The following DACH1 variants were observed in gnomAD, a reference collection of about 807,000 sequenced individuals.
DACH1 encodes dachshund homolog 1.
In DACH1, 12 loss-of-function variants were observed where a neutral mutation model predicts 54.2. That is an observed-to-expected ratio of 0.22 (90% CI 0.14 to 0.36). The LOEUF (loss-of-function observed/expected upper bound fraction) is 0.36. Ranked by LOEUF, DACH1 falls within the 10% of genes least tolerant of loss-of-function variation. The pLI is 1.00. For synonymous variants in DACH1, 386 were observed against 366.2 expected, an observed-to-expected ratio of 1.05 and a Z score of -0.62; for missense variants, 805 against 929.8, an observed-to-expected ratio of 0.87 and a Z score of 1.75.
rs1212811201 is a variant in DACH1, at chr13:71,866,328, T to C, written c.442A>G (p.Ser148Gly). 2 of 1,534,682 alleles carry C rather than the reference T, an allele frequency of 1.3e-6. No individual in the cohort carries two copies. The highest frequency in any genetic ancestry group is 1.8e-6 in the Non-Finnish European group (2 of 1,138,020). Residue 148 changes from serine (S) to glycine (G), a missense_variant, in exon 1 of 11, where the codon AGC becomes GGC. Around this residue, in one of 3 missense-constraint regions of DACH1, gnomAD observed 305 missense variants for 308.7 expected, o/e 0.99. Transcript: ENST00000613252. ...CTGCTACTACTGCTGCTGCTGCTGC[T>C]GCTGCTACTGCTGCTGCTGCTGCTG... ...TGSSSSSSSS[S>G]SSSSSSSSSS... is the part of the protein sequence containing the mutation.
intron 1 of DACH1, among the ~76,000 whole-genome samples, chr13:71,774,594 T>C (rs1171675846): frequency 6.6e-6 from 1 of 152,124 alleles, no homozygotes; most frequent in Non-Finnish European, 1.5e-5. Context: ...AAGTCATTAT[T>C]TATAATCCAT....
At chr13:71,560,801 T>C (rs961911222) in intron 4 of DACH1, among the ~76,000 whole-genome samples, 4 of 152,178 alleles carry the variant, frequency 2.6e-5, no homozygotes, top group Non-Finnish European at 2.9e-5. Flanking sequence ...TTGGTGAACA[T>C]TTTCTACTTT....
chr13:71,464,173 T>C (rs1039152716), intron 10 of DACH1, among the ~76,000 whole-genome samples: 15 of 151,850 alleles, frequency 9.9e-5, no homozygotes, highest in African/African-American at 2.7e-4. Flanking sequence ...ATGAGAAAAA[T>C]ACCCATACCC....
intron 3 of DACH1, among the ~76,000 whole-genome samples, chr13:71,583,712 A>C (rs1873014587): frequency 6.6e-6 from 1 of 151,976 alleles, no homozygotes; most frequent in East Asian, 1.9e-4. Flanking sequence ...ATGGTGGTAT[A>C]CATCTGTAGT....
chr13:71,479,368 C>T (rs762699346), intron 7 of DACH1, 52 bp from the exon 8 acceptor site: 18 of 1,558,012 alleles, frequency 1.2e-5, no homozygotes, highest in African/African-American at 5.5e-5. Flanking sequence ...AAGCAAATTT[C>T]GTTCATTACT....
chr13:71,485,133 C>T (rs1036937425), intron 7 of DACH1, among the ~76,000 whole-genome samples: 2 of 151,314 alleles, frequency 1.3e-5, no homozygotes, highest in Admixed American at 6.6e-5. Flanking sequence ...TCATGTTTGA[C>T]GGTGTCATAT....
intron 10 of DACH1, among the ~76,000 whole-genome samples, chr13:71,456,563 C>T (rs1227427489): frequency 1.3e-5 from 2 of 151,984 alleles, no homozygotes; most frequent in African/African-American, 4.8e-5. Flanking sequence ...TCTTTATTTT[C>T]CCACCATAGG....
intron 1 of DACH1, among the ~76,000 whole-genome samples, chr13:71,830,154 C>G (rs940028631): frequency 1.3e-5 from 2 of 151,662 alleles, no homozygotes; most frequent in African/African-American, 4.8e-5. Flanking sequence ...GTTAAGAATA[C>G]GAAACACACC....
At chr13:71,703,121 T>TACTATATGCAAAAGATACTTAG (rs1426985304) in intron 1 of DACH1, among the ~76,000 whole-genome samples, 1 of 152,156 alleles carries the variant, frequency 6.6e-6, no homozygotes, top group Non-Finnish European at 1.5e-5. Flanking sequence ...CTTAGCAGAG[T>TACTATATGCAAAAGATACTTAG]CAAAAGATAA....
At chr13:71,647,126 T>C (rs1244323449) in intron 2 of DACH1, among the ~76,000 whole-genome samples, 1 of 152,230 alleles carries the variant, frequency 6.6e-6, no homozygotes, top group Non-Finnish European at 1.5e-5. Context: ...CAAATCACTT[T>C]ATAACTGTTA....
chr13:71,646,180 T>C (rs560463519), intron 2 of DACH1, among the ~76,000 whole-genome samples: 7 of 151,556 alleles, frequency 4.6e-5, no homozygotes, highest in Non-Finnish European at 1.0e-4. Context: ...CTAGTAAAAA[T>C]ACAAAAATTA....
chr13:71,843,890 T>G (rs1046059215), intron 1 of DACH1, among the ~76,000 whole-genome samples: 6 of 152,178 alleles, frequency 3.9e-5, no homozygotes, highest in African/African-American at 1.4e-4. Context: ...CTAGGAACAT[T>G]TATTCCTTAT....
intron 1 of DACH1, among the ~76,000 whole-genome samples, chr13:71,857,233 A>G (rs927811578): frequency 2.6e-5 from 4 of 151,820 alleles, no homozygotes; most frequent in Non-Finnish European, 5.9e-5. Context: ...TGTCCTAATA[A>G]CCATATAGCC....
chr13:71,765,118 G>C (rs558172492), intron 1 of DACH1, among the ~76,000 whole-genome samples: 1 of 152,206 alleles, frequency 6.6e-6, no homozygotes, highest in African/African-American at 2.4e-5. Flanking sequence ...ACCAGCCCCT[G>C]ATTATTCTAC....
intron 1 of DACH1, among the ~76,000 whole-genome samples, chr13:71,772,485 A>C (rs1885898414): frequency 6.6e-6 from 1 of 151,750 alleles, no homozygotes; most frequent in Non-Finnish European, 1.5e-5. Context: ...CCATTCTCTC[A>C]GGGATTAAAA....
intron 6 of DACH1, among the ~76,000 whole-genome samples, chr13:71,496,603 C>T (rs1276547145): frequency 6.6e-6 from 1 of 151,658 alleles, no homozygotes; most frequent in Non-Finnish European, 1.5e-5. Context: ...AATTATTTAA[C>T]GAGTACAATG....
At chr13:71,730,255 C>T (rs1003479291) in intron 1 of DACH1, among the ~76,000 whole-genome samples, 1 of 151,668 alleles carries the variant, frequency 6.6e-6, no homozygotes, top group African/African-American at 2.4e-5. Context: ...AAGGTGAAAA[C>T]AAGTTCTAAG....
chr13:71,750,808 T>C (rs1476675583), intron 1 of DACH1, among the ~76,000 whole-genome samples: 2 of 152,210 alleles, frequency 1.3e-5, no homozygotes, highest in Non-Finnish European at 2.9e-5. Flanking sequence ...GTAGTTCACA[T>C]AATTAGCTCT....
chr13:71,737,141 T>C (rs1884167938), intron 1 of DACH1, among the ~76,000 whole-genome samples: 1 of 151,926 alleles, frequency 6.6e-6, no homozygotes, highest in Non-Finnish European at 1.5e-5. Flanking sequence ...AAGAATCGCT[T>C]GAACCCGAGA....
Sources: allele counts gnomAD v4.1 joint callset (sites outside exome capture counted in the v4.1 genomes callset), GRCh38; gene constraint gnomAD v4.1.1; regional missense constraint gnomAD v4.1.1; transcripts MANE v1.5; gene names NCBI Gene and HGNC (gene_info 2026-07-23, HGNC 2026-07-21).